Variants in NT5DC3 observed in about 807,000 individuals in gnomAD.
The protein encoded by NT5DC3 is 5'-nucleotidase domain-containing protein 3.
In NT5DC3, 42 loss-of-function variants were observed where a neutral mutation model predicts 67.8. That is an observed-to-expected ratio of 0.62 (90% CI 0.48 to 0.80). The LOEUF (loss-of-function observed/expected upper bound fraction) is 0.80. Among genes scored for constraint, NT5DC3 ranks in the 30% least tolerant of loss-of-function variants. NT5DC3 has a pLI of 0.00. For missense variants in NT5DC3, 570 were observed against 696.4 expected (o/e 0.82, Z 2.04); for synonymous variants, 237 against 255.6 (o/e 0.93, Z 0.69).
In NT5DC3 at chr12:103,777,753, C is replaced by T. The variant is rs1885389292; in HGVS notation, c.*76G>A. The T allele has an allele frequency of 1.4e-6, 2 of 1,479,374 alleles. No individual in the cohort carries two copies. The highest frequency in any genetic ancestry group is 1.3e-5 in the South Asian group (1 of 75,954). The allele number at this position is 1,479,374 out of a possible 1,614,324, so 91.6% of individuals were successfully genotyped here. A position where few individuals can be genotyped will look rare whatever the true frequency, so the allele number is the denominator to read the frequency against. On this transcript the variant is annotated 3_prime_UTR_variant, in exon 14 of 14. Transcript: ENST00000392876. ...ATCTGTATCTTTTCCAAAAGCAACA[C>T]TCAGACCCACATGAAGTCAACCCCA...
At chr12:103,787,578 TAACCCACA>T in intron 10 of NT5DC3, 51 bp from the exon 11 acceptor site, 8 of 999,152 alleles carry the variant, frequency 8.0e-6, no homozygotes, top group Non-Finnish European at 1.1e-5. Flanking sequence ...GAGATCTGTC[TAACCCACA>T]GTACAAAATA....
intron 4 of NT5DC3, among the ~76,000 whole-genome samples, chr12:103,803,861 C>G (rs989846728): frequency 5.2e-4 from 63 of 121,514 alleles, no homozygotes; most frequent in East Asian, 5.0e-3. Context: ...TCATTACCAC[C>G]CCCCCCCCAA....
intron 2 of NT5DC3, among the ~76,000 whole-genome samples, chr12:103,813,813 C>T (rs79349827): frequency 0.019 from 2,887 of 152,264 alleles, 79 homozygotes; most frequent in African/African-American, 0.067. Context: ...TCTTAGAGGG[C>T]GTAATGGCTG....
chr12:103,749,841 CAAAAAAAAAAAAAAAAAAA>C, the NT5DC3 span, among the ~76,000 whole-genome samples: 10 of 51,152 alleles, frequency 2.0e-4, no homozygotes, highest in Admixed American at 3.3e-4. Context: ...CTCTGTCTCA[CAAAAAAAAAAAAAAAAAAA>C]AAAAAAAAAA....
chr12:103,777,893 G>A lies in NT5DC3; in HGVS notation c.1583C>T (p.Pro528Leu). Residue 528 changes from proline to leucine, a missense_variant, in exon 14 of 14, where the codon CCC becomes CTC. Pro to Leu is a moderately conservative substitution (Grantham distance 98, BLOSUM62 -3). Coordinates refer to ENST00000392876, the MANE Select transcript of NT5DC3 (RefSeq NM_001031701.3). Reference protein sequence around the residue: ...PRRTPLQHELPAWSERPPTFG... With the variant: ...PRRTPLQHELLAWSERPPTFG... ...GGTGGGGGGCCTTTCTGACCAGGCG[G>A]GCAGTTCGTGCTGCAGTGGAGTCCT... 9 of 1,614,216 alleles carry A rather than the reference G, an allele frequency of 5.6e-6. No individual in the cohort carries two copies. The highest frequency in any genetic ancestry group is 7.6e-6 in the Non-Finnish European group (9 of 1,180,052).
intron 1 of NT5DC3, among the ~76,000 whole-genome samples, chr12:103,828,234 C>G (rs1887775749): frequency 6.6e-6 from 1 of 152,196 alleles, no homozygotes; most frequent in Non-Finnish European, 1.5e-5. Context: ...ATAAAATGGG[C>G]AGCCTTGTGA....
rs1250310390 is a variant in NT5DC3, at chr12:103,841,139, C to T, written c.18G>A (p.Ala6=). The T allele has an allele frequency of 1.2e-6, 1 of 822,928 alleles. No individual in the cohort carries two copies. The highest frequency in any genetic ancestry group is 1.7e-6 in the Non-Finnish European group (1 of 591,758). The allele number at this position is 822,928 out of a possible 1,614,324, so 51.0% of individuals were successfully genotyped here. A position where few individuals can be genotyped will look rare whatever the true frequency, so the allele number is the denominator to read the frequency against. The change falls in exon 1 of 14, where the codon GCG becomes GCA. Residue 6 remains alanine, a synonymous_variant. Transcript: ENST00000392876. ...CCCCGGCCCCGCGTGCCACCACCGC[C>T]GCCGCTGCCATGGTCATGCCTGCTG... is the stretch of plus-strand genomic sequence containing the variant. MTMAA[A]AVVARGAGAR...
intron 9 of NT5DC3, among the ~76,000 whole-genome samples, chr12:103,790,110 T>C (rs1164944908): frequency 1.3e-5 from 2 of 152,124 alleles, no homozygotes; most frequent in Non-Finnish European, 2.9e-5. Context: ...CAAATACATT[T>C]TTGGTTTTTT....
chr12:103,747,066 C>T, the NT5DC3 span, among the ~76,000 whole-genome samples: 3 of 151,436 alleles, frequency 2.0e-5, no homozygotes, highest in East Asian at 5.8e-4. Context: ...AAGCAATTCT[C>T]CTGCCTCAGC....
At chr12:103,747,012 A>G in the NT5DC3 span, among the ~76,000 whole-genome samples, 1 of 144,572 alleles carries the variant, frequency 6.9e-6, no homozygotes, top group African/African-American at 2.6e-5. Flanking sequence ...GCTGGAGTGC[A>G]ATGGTGCAAT....
At chr12:103,749,175 G>T in the NT5DC3 span, 1 of 1,580,892 alleles carries the variant, frequency 6.3e-7, no homozygotes. Context: ...CTCTTTCCCA[G>T]GGAAATTTGG....
chr12:103,784,780 C>A (rs369767369), intron 12 of NT5DC3, among the ~76,000 whole-genome samples: 19 of 152,178 alleles, frequency 1.2e-4, no homozygotes, highest in African/African-American at 4.3e-4. Flanking sequence ...ACTTACCAGC[C>A]AAAACTGGCT....
downstream of NT5DC3, among the ~76,000 whole-genome samples, chr12:103,767,855 G>C (rs189368602): frequency 4.4e-3 from 667 of 152,044 alleles, 2 homozygotes; most frequent in African/African-American, 0.015. Flanking sequence ...GGCTGAGATG[G>C]ACGGATCACG....
the NT5DC3 span, chr12:103,762,153 C>T: frequency 2.9e-6 from 4 of 1,361,852 alleles, no homozygotes; most frequent in African/African-American, 1.5e-5. Context: ...GGGCCAGATA[C>T]ATGTTAACAT....
At chr12:103,748,843 A>C in the NT5DC3 span, 32 of 1,043,130 alleles carry the variant, frequency 3.1e-5, no homozygotes, top group Non-Finnish European at 3.7e-5. Flanking sequence ...AGAAGCACGA[A>C]CACGCAGGGG....
rs1471135750 is a variant in NT5DC3, at chr12:103,777,878, C to T, written c.1598G>A (p.Arg533Lys). 1 of 1,614,174 alleles carries T rather than the reference C, an allele frequency of 6.2e-7. No homozygotes were observed. The highest frequency in any genetic ancestry group is 1.1e-5 in the South Asian group (1 of 91,074). The change falls in exon 14 of 14, where the codon AGG becomes AAG. Residue 533 changes from arginine (R) to lysine (K), a missense_variant. Arg to Lys is a conservative substitution (Grantham distance 26). Coordinates refer to ENST00000392876, the MANE Select transcript of NT5DC3 (RefSeq NM_001031701.3). ...LQHELPAWSE[R>K]PPTFGTPLLQ... Reference sequence around the variant, plus strand: ...GAGAGGGGTTCCGAAGGTGGGGGGCCTTTCTGACCAGGCGGGCAGTTCGTG... The same window carrying T: ...GAGAGGGGTTCCGAAGGTGGGGGGCTTTTCTGACCAGGCGGGCAGTTCGTG...
intron 11 of NT5DC3, 81 bp from the exon 12 acceptor site, chr12:103,785,556 C>A: frequency 7.2e-7 from 1 of 1,395,212 alleles, no homozygotes; most frequent in Non-Finnish European, 1.0e-6. Context: ...ACATGAGAGG[C>A]ATTCATTTAA....
intron 1 of NT5DC3, among the ~76,000 whole-genome samples, chr12:103,820,571 G>A (rs1190357957): frequency 1.3e-5 from 2 of 152,158 alleles, no homozygotes; most frequent in Admixed American, 6.5e-5. Context: ...GCTCAGAAAT[G>A]CTAAATGACT....
chr12:103,760,597 C>T, the NT5DC3 span, among the ~76,000 whole-genome samples: 14,666 of 152,020 alleles, frequency 0.096, 977 homozygotes, highest in East Asian at 0.27. Context: ...TGTCCTAAGC[C>T]CCTTCAGTGT....
Sources: gnomAD v4.1 joint callset for allele counts (sites outside exome capture counted in the v4.1 genomes callset) on GRCh38, gnomAD v4.1.1 for gene constraint, MANE v1.5 for transcripts, NCBI Gene and HGNC (gene_info 2026-07-23, HGNC 2026-07-21) for gene names.